PKNOX2: variants seen among roughly 807,000 people sequenced by gnomAD.
PKNOX2 encodes the protein PBX/knotted 1 homeobox 2, also known as homeobox protein PKNOX2.
Under a neutral mutation model 53.1 loss-of-function variants are expected in PKNOX2, and 14 were observed. That is an observed-to-expected ratio of 0.26 (90% CI 0.17 to 0.41). The LOEUF is 0.41. Ranked by LOEUF, PKNOX2 falls within the 10% of genes least tolerant of loss-of-function variation. The pLI, the probability that PKNOX2 is intolerant of heterozygous loss-of-function variation, is 1.00. For missense variants in PKNOX2, 496 were observed against 602.8 expected (o/e 0.82, Z 1.85); for synonymous variants, 257 against 242.8 (o/e 1.06, Z -0.54).
chr11:125,283,039 C>T (rs1946669148), intron 2 of PKNOX2, among the ~76,000 whole-genome samples: 1 of 152,136 alleles, frequency 6.6e-6, no homozygotes, highest in Admixed American at 6.5e-5. Flanking sequence ...ATAATCCCAG[C>T]TACTCGGGAG....
Position 125,166,321 on chromosome 11 carries a change from G to A in PKNOX2, c.-201+1545G>A, listed in dbSNP as rs1428979854. 1.3e-5 allele frequency among the ~76,000 whole-genome samples: 2 copies of A among 152,210 alleles called. No homozygotes were observed. Among genetic ancestry groups the A allele is most frequent in the Non-Finnish European group, 2.9e-5 (2 of 68,030 alleles). ...AGCGTTTAGGTAGGCGATGAAAGTAGTTGATCTGAGCCATGGCAGGCGAGC... is the reference window on the plus strand; with the variant it reads ...AGCGTTTAGGTAGGCGATGAAAGTAATTGATCTGAGCCATGGCAGGCGAGC... On this transcript the variant is annotated intron_variant, in intron 1 of 12. Transcript: ENST00000298282. This position sits in a 1 kb window ranked among gnomAD's most constrained non-coding sequence, Gnocchi z 4.0.
At chr11:125,336,333 C>T (rs938356578) in intron 3 of PKNOX2, among the ~76,000 whole-genome samples, 1 of 151,876 alleles carries the variant, frequency 6.6e-6, no homozygotes, top group African/African-American at 2.4e-5. Context: ...ATGCTTCAGC[C>T]CTTTTTTCTC....
At chr11:125,221,710 T>C (rs1171453092) in intron 1 of PKNOX2, among the ~76,000 whole-genome samples, 1 of 152,218 alleles carries the variant, frequency 6.6e-6, no homozygotes, top group Non-Finnish European at 1.5e-5. Flanking sequence ...CCTTCGACTG[T>C]CACACAATTT....
chr11:125,265,409 C>T lies in PKNOX2; in HGVS notation c.-130+30294C>T, dbSNP rs112026361. On this transcript the variant is annotated intron_variant, in intron 2 of 12. Transcript: ENST00000298282. ...ATGAACAAACCTCCCTGGCAAACAC[C>T]GGCCTCTGCAAGAGGTTCCAAGGCC... Among the ~76,000 whole-genome samples the T allele has an allele frequency of 3.9e-5, 6 of 152,188 alleles. No individual in the cohort carries two copies. The South Asian group carries it at 1.0e-3, about 26-fold the overall frequency.
In PKNOX2 at chr11:125,296,613, A is replaced by G. The variant is rs1218356385; in HGVS notation, c.-129-35206A>G. On this transcript the variant is annotated intron_variant, in intron 2 of 12. Transcript: ENST00000298282. ...TCCATGCGTCTCATCTCCATCCAGC[A>G]TGCTATGCAGGTACTTATTTATTTA... 3.9e-5 allele frequency among the ~76,000 whole-genome samples: 6 copies of G among 152,122 alleles called. No homozygotes were observed. The South Asian group carries it at 1.2e-3, about 32-fold the overall frequency.
intron 5 of PKNOX2, among the ~76,000 whole-genome samples, chr11:125,377,129 T>C (rs978241372): frequency 3.3e-5 from 5 of 152,168 alleles, no homozygotes; most frequent in African/African-American, 1.2e-4. Flanking sequence ...CAGGCATTAA[T>C]TGATAGTTTA....
intron 1 of PKNOX2, among the ~76,000 whole-genome samples, chr11:125,189,471 A>G (rs1457235003): frequency 6.4e-5 from 8 of 124,684 alleles, no homozygotes; most frequent in Admixed American, 1.6e-4. Flanking sequence ...ATATATATAT[A>G]TATATATATA....
intron 1 of PKNOX2, among the ~76,000 whole-genome samples, chr11:125,206,337 G>T (rs1338643092): frequency 6.6e-6 from 1 of 152,036 alleles, no homozygotes; most frequent in Admixed American, 6.6e-5. Context: ...GAGTAGTTAG[G>T]TCAAAATGTA....
At chr11:125,189,897 C>T (rs1956768535) in intron 1 of PKNOX2, 1 of 151,748 alleles carries the variant, frequency 6.6e-6, no homozygotes, top group Admixed American at 6.6e-5. Context: ...AATCTGTTGT[C>T]CTAGTATAAC....
chr11:125,268,208 C>T (rs1945509471), intron 2 of PKNOX2, among the ~76,000 whole-genome samples: 2 of 152,216 alleles, frequency 1.3e-5, no homozygotes, highest in Non-Finnish European at 2.9e-5. Context: ...AGACAGGTCA[C>T]TTGGAAACCA....
intron 1 of PKNOX2, among the ~76,000 whole-genome samples, chr11:125,189,385 GTGTA>G (rs1956652583): frequency 9.9e-5 from 9 of 91,058 alleles, no homozygotes; most frequent in African/African-American, 3.0e-4. Context: ...ATATATATGT[GTGTA>G]TATATATATG....
chr11:125,209,309 C>T (rs972968505), intron 1 of PKNOX2, among the ~76,000 whole-genome samples: 4 of 151,984 alleles, frequency 2.6e-5, no homozygotes, highest in Non-Finnish European at 4.4e-5. Context: ...CTTTCCACTT[C>T]AGTATAATGC....
intron 4 of PKNOX2, among the ~76,000 whole-genome samples, chr11:125,362,919 A>G (rs1471100567): frequency 6.6e-6 from 1 of 152,160 alleles, no homozygotes; most frequent in Non-Finnish European, 1.5e-5. Context: ...ACCTGCATAT[A>G]CATCTGACAA....
chr11:125,306,069 C>A (rs1288031642), intron 2 of PKNOX2, among the ~76,000 whole-genome samples: 1 of 152,104 alleles, frequency 6.6e-6, no homozygotes, highest in Admixed American at 6.5e-5. Context: ...CCAAGGTGAG[C>A]CCCAAAAGTG....
intron 3 of PKNOX2, among the ~76,000 whole-genome samples, chr11:125,334,628 T>C (rs2136124457): frequency 6.6e-6 from 1 of 151,056 alleles, no homozygotes; most frequent in East Asian, 2.0e-4. Context: ...AGACAGGGTC[T>C]CACTCTGTCA....
intron 5 of PKNOX2, among the ~76,000 whole-genome samples, chr11:125,371,297 G>A (rs1050480878): frequency 3.9e-5 from 6 of 152,076 alleles, no homozygotes; most frequent in African/African-American, 1.4e-4. Flanking sequence ...GTCCAAAGAG[G>A]GGAGGCCGGT....
chr11:125,350,837 G>A (rs1023400226), intron 3 of PKNOX2, among the ~76,000 whole-genome samples: 2 of 152,090 alleles, frequency 1.3e-5, no homozygotes, highest in African/African-American at 4.8e-5. Context: ...CCCTGTGCGC[G>A]CTGTGGCTGC....
chr11:125,250,698 G>A (rs561356011), intron 2 of PKNOX2, among the ~76,000 whole-genome samples: 2 of 152,232 alleles, frequency 1.3e-5, no homozygotes, highest in Non-Finnish European at 2.9e-5. Context: ...AACGACAGAG[G>A]TGACCTGCCA....
At chr11:125,176,495 C>T (rs908138983) in intron 1 of PKNOX2, among the ~76,000 whole-genome samples, 5 of 152,190 alleles carry the variant, frequency 3.3e-5, no homozygotes, top group Non-Finnish European at 5.9e-5. Context: ...TCCAGGAAGC[C>T]GTGAGGGCCT....
Sources: gnomAD v4.1 joint callset for allele counts (sites outside exome capture counted in the v4.1 genomes callset) on GRCh38, gnomAD v4.1.1 for gene constraint, Gnocchi (gnomAD v3.1) non-coding constraint, MANE v1.5 for transcripts, NCBI Gene and HGNC (gene_info 2026-07-23, HGNC 2026-07-21) for gene names.